CUX1: variants seen among roughly 807,000 people sequenced by gnomAD.
The protein encoded by CUX1 is protein CASP.
A neutral mutation model predicts 158.8 loss-of-function variants in CUX1; 31 were observed. The observed-to-expected ratio is 0.20, with a 90% confidence interval of 0.15 to 0.26. The LOEUF (loss-of-function observed/expected upper bound fraction) is 0.26. CUX1 is among the 10% of genes least tolerant of loss of function. The probability of loss-of-function intolerance (pLI) is 1.00; values close to 1 mark genes in which losing one functional copy is unlikely to be tolerated. For missense variants in CUX1, 1,589 were observed against 2,014.6 expected, an observed-to-expected ratio of 0.79 and a Z score of 4.04; for synonymous variants, 879 against 862.1, an observed-to-expected ratio of 1.02 and a Z score of -0.34.
At chr7:101,850,573 A>G (rs79399157) in intron 1 of CUX1, among the ~76,000 whole-genome samples, 9,435 of 151,762 alleles carry the variant, frequency 0.062, 1,005 homozygotes, top group African/African-American at 0.22. Flanking sequence ...TAGAGATGGC[A>G]TCTCACCATG....
intron 7 of CUX1, 134 bp from the exon 8 acceptor site, chr7:102,115,073 G>A: frequency 1.3e-6 from 1 of 744,070 alleles, no homozygotes; most frequent in Non-Finnish European, 2.2e-6. Flanking sequence ...TCTTTTGTGT[G>A]TTTTTAATCT....
At chr7:101,948,203 T>C (rs531916655) in intron 2 of CUX1, among the ~76,000 whole-genome samples, 6 of 152,252 alleles carry the variant, frequency 3.9e-5, no homozygotes, top group Admixed American at 6.5e-5. Context: ...GTTCCAACTT[T>C]CCATAGTAAA....
At position 102,195,490 on chromosome 7, in the gene CUX1, C is replaced by G. The variant is rs1554517976; in HGVS notation, c.1126-17C>G. 1.2e-6 allele frequency: 2 copies of G among 1,602,982 alleles called. No individual in the cohort carries two copies. Among genetic ancestry groups the G allele is most frequent in the African/African-American group, 2.7e-5 (2 of 74,800 alleles). On this transcript the variant is annotated splice_polypyrimidine_tract_variant and intron_variant, in intron 13 of 23. Transcript: ENST00000292535. ...GTGGCCGGCCCCGCAGTGAGACCCC[C>G]GCTCTGCCCCTTCTAGGATGCGGCC...
At chr7:102,132,670 CTTTGCTTTTCTTTTTTTTTTTTTTTT>C (rs1194866210) in intron 8 of CUX1, among the ~76,000 whole-genome samples, 2 of 131,034 alleles carry the variant, frequency 1.5e-5, no homozygotes, top group Admixed American at 8.2e-5. Flanking sequence ...ATTTGTTTTT[CTTTGCTTTTCTTTTTTTTTTTTTTTT>C]TTTGAGACAG....
At chr7:101,948,257 A>G (rs1202214572) in intron 2 of CUX1, among the ~76,000 whole-genome samples, 1 of 152,188 alleles carries the variant, frequency 6.6e-6, no homozygotes, top group African/African-American at 2.4e-5. Flanking sequence ...ATATTTGTCC[A>G]TTATTTGGGC....
intron 1 of CUX1, among the ~76,000 whole-genome samples, chr7:101,882,533 C>T (rs779992070): frequency 6.6e-6 from 1 of 152,206 alleles, no homozygotes; most frequent in Non-Finnish European, 1.5e-5. Context: ...CATGAAGACA[C>T]CTACAGAAAT....
At chr7:102,063,834 G>T (rs771576971) in intron 3 of CUX1, among the ~76,000 whole-genome samples, 2 of 152,168 alleles carry the variant, frequency 1.3e-5, no homozygotes, top group African/African-American at 4.8e-5. Flanking sequence ...GCCCGTGGTC[G>T]GGAGGAAAAA....
chr7:102,132,901 C>G (rs1327836640), intron 8 of CUX1, among the ~76,000 whole-genome samples: 1 of 151,934 alleles, frequency 6.6e-6, no homozygotes, highest in Non-Finnish European at 1.5e-5. Flanking sequence ...AAACTCCTGA[C>G]CTCAAGTGAT....
chr7:102,232,361 C>T (rs449806), intron 21 of CUX1, among the ~76,000 whole-genome samples: 76,319 of 151,974 alleles, frequency 0.5, 20,802 homozygotes, highest in East Asian at 0.92. Context: ...AATGTCTCAG[C>T]TTCAGTGCTT....
chr7:101,988,040 C>T (rs537863826), intron 2 of CUX1, among the ~76,000 whole-genome samples: 2 of 152,130 alleles, frequency 1.3e-5, no homozygotes, highest in East Asian at 3.9e-4. Context: ...GGGGAAACCT[C>T]GTCTCTACTA....
At chr7:101,915,695 C>CT (rs1804111381) in intron 1 of CUX1, among the ~76,000 whole-genome samples, 1 of 152,166 alleles carries the variant, frequency 6.6e-6, no homozygotes, top group Non-Finnish European at 1.5e-5. Flanking sequence ...AGCAGAAGGA[C>CT]TAGAGCTCAG....
Position 101,916,352 on chromosome 7 carries a change from T to C in CUX1, c.141+127T>C, listed in dbSNP as rs1804208602. 1.6e-6 allele frequency: 1 copy of C among 632,180 alleles called. No individual in the cohort carries two copies. Among genetic ancestry groups the C allele is most frequent in the Non-Finnish European group, 2.9e-6 (1 of 340,330 alleles). The allele number at this position is 632,180 out of a possible 1,614,324, so 39.2% of individuals were successfully genotyped here. On this transcript the variant is annotated intron_variant, in intron 2 of 23. Transcript: ENST00000292535. The surrounding 1 kb of genome is among the most constrained non-coding windows in gnomAD (Gnocchi z 4.4). ...ACGGCCGGCAAACAACCCGTTTCTT[T>C]CCCCAGATGTCTTCAGCCCCATTTC...
intron 1 of CUX1, among the ~76,000 whole-genome samples, chr7:101,885,097 C>G (rs1457768725): frequency 6.6e-6 from 1 of 152,224 alleles, no homozygotes; most frequent in Non-Finnish European, 1.5e-5. Context: ...TTTTTACACA[C>G]AAGCCTTTCA....
At chr7:102,274,119 C>T (rs903905140) in intron 15 of CUX1, 19 of 877,132 alleles carry the variant, frequency 2.2e-5, no homozygotes, top group Middle Eastern at 3.3e-4. Context: ...AGCCAGCCTG[C>T]ACCCCGGATG....
chr7:102,118,518 C>T (rs1242675610), intron 8 of CUX1, among the ~76,000 whole-genome samples: 1 of 151,974 alleles, frequency 6.6e-6, no homozygotes, highest in Non-Finnish European at 1.5e-5. Flanking sequence ...ACCTGGGTGA[C>T]AGAGCAAGAC....
At chr7:102,023,088 AC>A (rs1211175122) in intron 2 of CUX1, among the ~76,000 whole-genome samples, 2 of 152,038 alleles carry the variant, frequency 1.3e-5, no homozygotes, top group African/African-American at 4.8e-5. Context: ...GGTGGCTCGC[AC>A]CTATAGTCTC....
At chr7:102,159,635 A>C (rs1380532177) in intron 9 of CUX1, among the ~76,000 whole-genome samples, 6 of 151,564 alleles carry the variant, frequency 4.0e-5, no homozygotes, top group Admixed American at 1.3e-4. Context: ...CCAAGGTGGG[A>C]GGATCACTTG....
chr7:101,891,906 T>C (rs1290371960), intron 1 of CUX1, among the ~76,000 whole-genome samples: 1 of 152,284 alleles, frequency 6.6e-6, no homozygotes, highest in African/African-American at 2.4e-5. Flanking sequence ...TTTTCTCCAC[T>C]GTATAGTGTC....
At chr7:102,129,213 G>A (rs1378074078) in intron 8 of CUX1, among the ~76,000 whole-genome samples, 6 of 152,148 alleles carry the variant, frequency 3.9e-5, no homozygotes, top group South Asian at 2.1e-4. Context: ...CCATATTAGC[G>A]TGCCACAGCT....
Sources: gnomAD v4.1 joint callset for allele counts (sites outside exome capture counted in the v4.1 genomes callset) on GRCh38, gnomAD v4.1.1 for gene constraint, Gnocchi (gnomAD v3.1) non-coding constraint, MANE v1.5 for transcripts, NCBI Gene and HGNC (gene_info 2026-07-23, HGNC 2026-07-21) for gene names.